The following RIC3 variants were observed in gnomAD, a reference collection of about 807,000 sequenced individuals.
The protein encoded by RIC3 is RIC3 acetylcholine receptor chaperone.
A neutral mutation model predicts 27.3 loss-of-function variants in RIC3; 28 were observed. The ratio of observed to expected loss-of-function variants is 1.02; its 90% CI spans 0.76 to 1.41. The LOEUF (loss-of-function observed/expected upper bound fraction) is 1.41, where lower values mean the gene tolerates loss of function less well. Among genes scored for constraint, RIC3 ranks in the 40% most tolerant of loss-of-function variants. The pLI is 0.00. For missense variants in RIC3, 501 were observed against 444.7 expected, an observed-to-expected ratio of 1.13 and a Z score of -1.14; for synonymous variants, 184 against 160.4, an observed-to-expected ratio of 1.15 and a Z score of -1.11.
At chr11:8,147,797 G>A (rs1284442279) in intron 1 of RIC3, among the ~76,000 whole-genome samples, 7 of 148,462 alleles carry the variant, frequency 4.7e-5, no homozygotes, top group South Asian at 2.1e-4. Context: ...GCGCGATCTC[G>A]GCTCATTGCA....
chr11:8,136,096 G>A (rs1312848967), intron 4 of RIC3, among the ~76,000 whole-genome samples: 2 of 152,096 alleles, frequency 1.3e-5, no homozygotes, highest in Non-Finnish European at 2.9e-5. Flanking sequence ...CAAGGCTCCT[G>A]GGCCCACACA....
intron 4 of RIC3, among the ~76,000 whole-genome samples, chr11:8,136,592 T>G (rs569177423): frequency 6.6e-6 from 1 of 152,340 alleles, no homozygotes; most frequent in African/African-American, 2.4e-5. Flanking sequence ...GTCTTCCCTT[T>G]GGGACATTCT....
Position 8,110,643 on chromosome 11 carries a change from A to C in RIC3, c.*55T>G, listed in dbSNP as rs1216364744. ...GGCACAGGGCCAAGAAGGAAATCTG[A>C]GGAGAGAGAGGTCACCTTGGGACTT... is the stretch of plus-strand genomic sequence containing the variant. On this transcript the variant is annotated 3_prime_UTR_variant, in exon 6 of 6. Transcript: ENST00000309737. 6.7e-7 allele frequency: 1 copy of C among 1,496,742 alleles called. No homozygotes were observed. The highest frequency in any genetic ancestry group is 1.1e-5 in the South Asian group (1 of 88,780). 92.7% of individuals were successfully genotyped at this position (1,496,742 alleles called of 1,614,324 possible).
intron 2 of RIC3, chr11:8,139,325 G>A (rs1390192278): frequency 6.5e-6 from 1 of 153,170 alleles, no homozygotes; most frequent in Non-Finnish European, 1.5e-5. Context: ...TCACAGTACA[G>A]GGGCCAGGGG....
chr11:8,140,569 T>G (rs920734924), intron 1 of RIC3, among the ~76,000 whole-genome samples: 2 of 152,216 alleles, frequency 1.3e-5, no homozygotes, highest in Admixed American at 6.5e-5. Context: ...TTCTGCAGCA[T>G]GGATGCTAAC....
intron 4 of RIC3, among the ~76,000 whole-genome samples, chr11:8,132,560 T>G (rs1194611125): frequency 6.6e-6 from 1 of 152,222 alleles, no homozygotes; most frequent in African/African-American, 2.4e-5. Context: ...CTAGGTTTCA[T>G]TATTTAAATA....
intron 4 of RIC3, among the ~76,000 whole-genome samples, chr11:8,128,613 C>T (rs1367734233): frequency 1.3e-5 from 2 of 152,082 alleles, no homozygotes; most frequent in Non-Finnish European, 2.9e-5. Flanking sequence ...AGTATAGACA[C>T]AATGCCATGA....
chr11:8,143,780 A>G (rs890819648), intron 1 of RIC3, among the ~76,000 whole-genome samples: 4 of 152,158 alleles, frequency 2.6e-5, no homozygotes, highest in African/African-American at 9.7e-5. Context: ...TTCAAACTAT[A>G]CTACAAGGCT....
At chr11:8,145,347 G>GT (rs1291911396) in intron 1 of RIC3, among the ~76,000 whole-genome samples, 2 of 151,948 alleles carry the variant, frequency 1.3e-5, no homozygotes, top group Admixed American at 6.6e-5. Flanking sequence ...TTTTTTCTTT[G>GT]TTTTTCTGTG....
chr11:8,139,935 T>G, intron 2 of RIC3, 32 bp downstream of exon 2: 5 of 1,542,968 alleles, frequency 3.2e-6, no homozygotes, highest in Non-Finnish European at 4.4e-6. Flanking sequence ...AGATTTTCAT[T>G]GATGTAATAT....
At chr11:8,105,232 C>G (rs1944501554), downstream of RIC3, 2 of 152,194 alleles carry the variant, frequency 1.3e-5, no homozygotes, top group African/African-American at 4.8e-5. Context: ...TGTGTTAACT[C>G]AGGATGCCAA....
At chr11:8,160,988 G>A (rs1033189650) in intron 1 of RIC3, among the ~76,000 whole-genome samples, 20 of 152,288 alleles carry the variant, frequency 1.3e-4, no homozygotes, top group African/African-American at 4.8e-4. Flanking sequence ...TTAAGGACAC[G>A]CCCAGGAGAG....
At chr11:8,111,554 G>A (rs576637584) in intron 5 of RIC3, among the ~76,000 whole-genome samples, 1 of 152,290 alleles carries the variant, frequency 6.6e-6, no homozygotes, top group African/African-American at 2.4e-5. Flanking sequence ...ATCTTCCTTG[G>A]TGGAGTGGGG....
chr11:8,097,051 T>C, the RIC3 span, among the ~76,000 whole-genome samples: 1 of 152,260 alleles, frequency 6.6e-6, no homozygotes, highest in Admixed American at 6.5e-5. Flanking sequence ...CTAGGAACTG[T>C]TGAGGGCAGG....
intron 1 of RIC3, among the ~76,000 whole-genome samples, chr11:8,162,448 T>C (rs1256001641): frequency 6.6e-6 from 1 of 152,130 alleles, no homozygotes; most frequent in Non-Finnish European, 1.5e-5. Context: ...GGGTGTCCTT[T>C]CTAAAACCAG....
intron 4 of RIC3, among the ~76,000 whole-genome samples, chr11:8,133,111 G>C (rs543217125): frequency 3.1e-4 from 47 of 152,156 alleles, no homozygotes; most frequent in Non-Finnish European, 5.7e-4. Context: ...CAGTGGGTTA[G>C]TTATCCCAAG....
the RIC3 span, chr11:8,100,956 A>G: frequency 6.2e-7 from 1 of 1,614,190 alleles, no homozygotes; most frequent in Non-Finnish European, 8.5e-7. Context: ...CGCGTCACAC[A>G]GGCCTCCGTG....
At chr11:8,138,146 T>A (rs1948622090) in intron 3 of RIC3, 126 bp downstream of exon 3, 1 of 612,184 alleles carries the variant, frequency 1.6e-6, no homozygotes, top group African/African-American at 1.9e-5. Context: ...AAGGCAAAAA[T>A]GGCATCAGAT....
chr11:8,133,518 G>C (rs1329158251), intron 4 of RIC3, among the ~76,000 whole-genome samples: 1 of 152,180 alleles, frequency 6.6e-6, no homozygotes, highest in Admixed American at 6.5e-5. Flanking sequence ...TCTTCAGTGG[G>C]AAGAGTTGCT....
Sources: gnomAD v4.1 joint callset for allele counts (sites outside exome capture counted in the v4.1 genomes callset) on GRCh38, gnomAD v4.1.1 for gene constraint, MANE v1.5 for transcripts, NCBI Gene and HGNC (gene_info 2026-07-23, HGNC 2026-07-21) for gene names.